TRAPPC10: variants seen among roughly 807,000 people sequenced by gnomAD.
TRAPPC10 encodes trafficking protein particle complex subunit 10, also known as TRAPP 130 kDa subunit.
In TRAPPC10, 23 loss-of-function variants were observed where a neutral mutation model predicts 125.5. That is an observed-to-expected ratio of 0.18 (90% CI 0.13 to 0.26). The LOEUF is 0.26. Ranked by LOEUF, TRAPPC10 falls within the 10% of genes least tolerant of loss-of-function variation. TRAPPC10 has a pLI of 1.00. For missense variants in TRAPPC10, 1,123 were observed against 1,308.4 expected, an observed-to-expected ratio of 0.86 and a Z score of 2.19; for synonymous variants, 509 against 518.0, an observed-to-expected ratio of 0.98 and a Z score of 0.24.
chr21:44,057,916 G>A (rs1230253904), intron 5 of TRAPPC10, among the ~76,000 whole-genome samples: 6 of 152,204 alleles, frequency 3.9e-5, no homozygotes, highest in Admixed American at 3.3e-4. Flanking sequence ...GTTTATGTGC[G>A]TGCACATCCT....
chr21:44,076,356 G>A (rs2037279554), intron 9 of TRAPPC10, among the ~76,000 whole-genome samples, 196 bp from the exon 10 acceptor site: 1 of 152,212 alleles, frequency 6.6e-6, no homozygotes, highest in South Asian at 2.1e-4. Flanking sequence ...ATGACACAAA[G>A]CGTTTTGACT....
chr21:44,095,748 T>C (rs957594500), intron 20 of TRAPPC10, among the ~76,000 whole-genome samples: 3 of 152,034 alleles, frequency 2.0e-5, no homozygotes, highest in Non-Finnish European at 4.4e-5. Context: ...TTTTGTATTT[T>C]TAGTAGAGAT....
intron 3 of TRAPPC10, among the ~76,000 whole-genome samples, chr21:44,045,851 G>C (rs532526657): frequency 2.6e-5 from 4 of 151,886 alleles, no homozygotes; most frequent in Admixed American, 6.6e-5. Flanking sequence ...CCACCGCACC[G>C]GGCCAAGATT....
chr21:44,058,888 G>A (rs1248341247), intron 5 of TRAPPC10, among the ~76,000 whole-genome samples: 2 of 147,878 alleles, frequency 1.4e-5, no homozygotes, highest in Admixed American at 6.6e-5. Context: ...CCGATAGGTC[G>A]GGGAGGGTTC....
intron 19 of TRAPPC10, among the ~76,000 whole-genome samples, chr21:44,092,710 C>T (rs1347616396): frequency 6.6e-6 from 1 of 152,168 alleles, no homozygotes; most frequent in Non-Finnish European, 1.5e-5. Context: ...TCAGCCCCTG[C>T]ATTAGGTTGT....
chr21:44,064,684 A>C (rs1293567485), intron 7 of TRAPPC10, among the ~76,000 whole-genome samples: 1 of 152,194 alleles, frequency 6.6e-6, no homozygotes, highest in Non-Finnish European at 1.5e-5. Context: ...ACGGTGTTTC[A>C]TAATATAGGA....
rs1164511344 is a variant in TRAPPC10 at position 44,038,496 on chromosome 21, G to A, written c.285+569G>A. On this transcript the variant is annotated intron_variant, in intron 3 of 22. Coordinates refer to ENST00000291574, the MANE Select transcript of TRAPPC10 (RefSeq NM_003274.5). ...CCCTGTTGCCGTGCCTGGGCAGGAGGCGCCCCGTGACTCTCCGTGGAACGA... is the reference window on the plus strand; with the variant it reads ...CCCTGTTGCCGTGCCTGGGCAGGAGACGCCCCGTGACTCTCCGTGGAACGA... Among the ~76,000 whole-genome samples the A allele has an allele frequency of 3.9e-5, 6 of 152,008 alleles. No individual in the cohort carries two copies. In the South Asian group the frequency reaches 6.2e-4, roughly 16 times the overall value.
Position 44,020,937 on chromosome 21 carries a change from C to T in TRAPPC10, c.67+8377C>T, listed in dbSNP as rs79888899. ...AGCATGTCTGATGACTCCTGCTTTA[C>T]CAAGTACTTAGGGAAGGCAGACACC... On this transcript the variant is annotated intron_variant, in intron 1 of 22. Transcript: ENST00000291574. Among the ~76,000 whole-genome samples, 789 of 152,224 alleles carry T rather than the reference C, an allele frequency of 5.2e-3. 5 individuals carry two copies. Among genetic ancestry groups the T allele is most frequent in the Middle Eastern group, 0.017 (5 of 294 alleles).
chr21:44,014,808 CAG>C (rs1451888238), intron 1 of TRAPPC10, among the ~76,000 whole-genome samples: 1 of 152,048 alleles, frequency 6.6e-6, no homozygotes, highest in Non-Finnish European at 1.5e-5. Flanking sequence ...ATTGGAGTCT[CAG>C]AAGAGAAGGG....
chr21:44,043,588 A>G (rs1425441762), intron 3 of TRAPPC10, among the ~76,000 whole-genome samples: 2 of 152,060 alleles, frequency 1.3e-5, no homozygotes, highest in Non-Finnish European at 2.9e-5. Context: ...TCCCTTCCAC[A>G]TGTCGAGTGT....
rs376527988 is a variant in TRAPPC10, at chr21:44,075,164, G to A, written c.1300+11G>A. 1.3e-6 allele frequency: 2 copies of A among 1,581,834 alleles called. No homozygotes were observed. The highest frequency in any genetic ancestry group is 1.3e-5 in the African/African-American group (1 of 74,120). On this transcript the variant is annotated intron_variant, in intron 9 of 22. Transcript: ENST00000291574. ...AGCGACCAGAAACAGGTACTTTTTT[G>A]TATATACCTGTGTGAGTGGTGAGGT... is the stretch of plus-strand genomic sequence containing the variant.
intron 18 of TRAPPC10, 44 bp downstream of exon 18, chr21:44,089,977 C>A: frequency 6.8e-7 from 1 of 1,477,044 alleles, no homozygotes; most frequent in Non-Finnish European, 9.4e-7. Flanking sequence ...TTTCCCCAGA[C>A]TCTTCTAAGT....
At chr21:44,061,853 A>G (rs149752888) in intron 6 of TRAPPC10, among the ~76,000 whole-genome samples, 1 of 152,370 alleles carries the variant, frequency 6.6e-6, no homozygotes, top group African/African-American at 2.4e-5. Context: ...CCTTGAGGTC[A>G]TATCATAGGA....
intron 8 of TRAPPC10, 123 bp from the exon 9 acceptor site, chr21:44,074,916 A>T: frequency 1.4e-6 from 1 of 721,638 alleles, no homozygotes; most frequent in Non-Finnish European, 2.3e-6. Context: ...GATTTGAGTC[A>T]TTGGGTAGGA....
intron 1 of TRAPPC10, among the ~76,000 whole-genome samples, chr21:44,024,503 C>A (rs1032769896): frequency 4.6e-5 from 7 of 152,214 alleles, no homozygotes; most frequent in African/African-American, 1.7e-4. Context: ...ACTATTAACT[C>A]CACCATCAAC....
intron 14 of TRAPPC10, among the ~76,000 whole-genome samples, chr21:44,083,784 G>T (rs1435284966): frequency 2.0e-5 from 3 of 152,200 alleles, no homozygotes; most frequent in African/African-American, 7.2e-5. Flanking sequence ...TTGGCCTGTG[G>T]AAAGTACAGC....
Position 44,092,100 on chromosome 21 carries a change from G to T in TRAPPC10, c.2997+51G>T, listed in dbSNP as rs138437274. 3.7e-6 allele frequency: 6 copies of T among 1,602,782 alleles called. No homozygotes were observed. The South Asian group carries it at 6.7e-5, about 18-fold the overall frequency. On this transcript the variant is annotated intron_variant, in intron 19 of 22. Coordinates refer to ENST00000291574, the MANE Select transcript of TRAPPC10 (RefSeq NM_003274.5). ...AAACTTCTCAACAGAGAACCAGAGT[G>T]TACGGAAATGATGTAGTATGTGTTG... is the stretch of plus-strand genomic sequence containing the variant.
chr21:44,080,491 C>T (rs2037613007), intron 13 of TRAPPC10, among the ~76,000 whole-genome samples: 1 of 151,802 alleles, frequency 6.6e-6, no homozygotes, highest in African/African-American at 2.4e-5. Context: ...TGTTAGATCT[C>T]AGTTCTCTTT....
chr21:44,032,003 TA>T, intron 1 of TRAPPC10, 87 bp from the exon 2 acceptor site: 1 of 1,120,648 alleles, frequency 8.9e-7, no homozygotes. Flanking sequence ...TAAAACTACC[TA>T]AAAACACCAA....
Sources: gnomAD v4.1 joint callset for allele counts (sites outside exome capture counted in the v4.1 genomes callset) on GRCh38, gnomAD v4.1.1 for gene constraint, MANE v1.5 for transcripts, NCBI Gene and HGNC (gene_info 2026-07-23, HGNC 2026-07-21) for gene names.